The following TRPC4 variants were observed in gnomAD, a reference collection of about 807,000 sequenced individuals.
TRPC4 encodes the protein short transient receptor potential channel 4.
TRPC4 carries 49 observed loss-of-function variants against 99.4 expected under a neutral mutation model. The observed-to-expected ratio is 0.49, with a 90% confidence interval of 0.39 to 0.63. The LOEUF is 0.63. Among genes scored for constraint, TRPC4 ranks in the 20% least tolerant of loss-of-function variants. TRPC4 has a pLI of 0.00. For synonymous variants in TRPC4, 454 were observed against 425.9 expected, an observed-to-expected ratio of 1.07 and a Z score of -0.81; for missense variants, 898 against 1,152.9, an observed-to-expected ratio of 0.78 and a Z score of 3.20.
At chr13:37,835,052 AT>A (rs932582779) in intron 1 of TRPC4, among the ~76,000 whole-genome samples, 8 of 148,842 alleles carry the variant, frequency 5.4e-5, no homozygotes, top group Admixed American at 6.7e-5. Flanking sequence ...TTTTTTTTTA[AT>A]TTTTTTTTTA....
chr13:37,737,306 C>T (rs1014425798), intron 3 of TRPC4, among the ~76,000 whole-genome samples: 12 of 151,720 alleles, frequency 7.9e-5, no homozygotes, highest in Admixed American at 5.3e-4. Context: ...AGGAAATATG[C>T]TAAGTTCTGT....
At chr13:37,770,939 T>C (rs894387118) in intron 2 of TRPC4, among the ~76,000 whole-genome samples, 2 of 151,670 alleles carry the variant, frequency 1.3e-5, no homozygotes, top group African/African-American at 4.8e-5. Flanking sequence ...AACACAATGG[T>C]ACTTGTCTAT....
At position 37,841,851 on chromosome 13, in the gene TRPC4, C is replaced by G. The variant is rs843858; in HGVS notation, c.-28+27744G>C. ...CAGTTTCTTTAAAAATGAAGCATGC[C>G]ACTATCATGTGACTCAACAATTAAA... On this transcript the variant is annotated intron_variant, in intron 1 of 10. Coordinates refer to ENST00000379705, the MANE Select transcript of TRPC4 (RefSeq NM_016179.4). Among the ~76,000 whole-genome samples the G allele has an allele frequency of 8.9e-3, 1,359 of 152,144 alleles. 35 individuals are homozygous for G. In the East Asian group the frequency reaches 0.1, roughly 11 times the overall value.
At chr13:37,824,948 G>A (rs1395255250) in intron 1 of TRPC4, among the ~76,000 whole-genome samples, 2 of 152,086 alleles carry the variant, frequency 1.3e-5, no homozygotes, top group Non-Finnish European at 2.9e-5. Context: ...CACAATTTCT[G>A]ATCCTGTTAT....
chr13:37,711,056 A>C (rs1954467897), intron 3 of TRPC4, among the ~76,000 whole-genome samples: 1 of 151,984 alleles, frequency 6.6e-6, no homozygotes, highest in South Asian at 2.1e-4. Flanking sequence ...TGAATATATT[A>C]ATTCTTAAGT....
intron 2 of TRPC4, among the ~76,000 whole-genome samples, chr13:37,781,527 A>G (rs1956840877): frequency 6.6e-6 from 1 of 152,100 alleles, no homozygotes; most frequent in Non-Finnish European, 1.5e-5. Context: ...AAAGACTGGT[A>G]TATAACATGA....
intron 1 of TRPC4, among the ~76,000 whole-genome samples, chr13:37,865,744 A>G (rs919647389): frequency 2.6e-5 from 4 of 151,798 alleles, no homozygotes; most frequent in African/African-American, 9.7e-5. Flanking sequence ...AAAAGAGTGT[A>G]GTCTTTACCA....
At chr13:37,766,763 C>A (rs1430755948) in intron 2 of TRPC4, among the ~76,000 whole-genome samples, 1 of 151,312 alleles carries the variant, frequency 6.6e-6, no homozygotes, top group South Asian at 2.1e-4. Context: ...AGCCACATGG[C>A]CTTGACCACA....
intron 2 of TRPC4, among the ~76,000 whole-genome samples, chr13:37,757,920 G>A (rs2139224759): frequency 6.6e-6 from 1 of 151,994 alleles, no homozygotes; most frequent in South Asian, 2.1e-4. Context: ...GGTGGGTAGG[G>A]TTCAAGGTTG....
chr13:37,743,857 G>A (rs1955664281), intron 3 of TRPC4, among the ~76,000 whole-genome samples: 1 of 152,124 alleles, frequency 6.6e-6, no homozygotes, highest in Non-Finnish European at 1.5e-5. Flanking sequence ...GAGTTTATGA[G>A]TACTTTGTTC....
chr13:37,751,363 C>T (rs1370499615), intron 2 of TRPC4, among the ~76,000 whole-genome samples: 2 of 151,274 alleles, frequency 1.3e-5, no homozygotes. Context: ...GGAAAATGTA[C>T]CTTTTATTTT....
chr13:37,866,844 TG>T (rs772938334), intron 1 of TRPC4, among the ~76,000 whole-genome samples: 3,616 of 84,288 alleles, frequency 0.043, 223 homozygotes, highest in East Asian at 0.2. Flanking sequence ...GTTTATTTTT[TG>T]TGGGGGGGGG....
chr13:37,829,906 A>C (rs1241862594), intron 1 of TRPC4, among the ~76,000 whole-genome samples: 1 of 152,202 alleles, frequency 6.6e-6, no homozygotes, highest in Admixed American at 6.5e-5. Flanking sequence ...ATGTTATGTT[A>C]TTCCATTTAT....
intron 1 of TRPC4, among the ~76,000 whole-genome samples, chr13:37,808,890 G>A (rs1263003958): frequency 2.6e-5 from 4 of 151,930 alleles, no homozygotes; most frequent in Non-Finnish European, 5.9e-5. Flanking sequence ...TAGAGAAACC[G>A]CCTGAAAGCC....
intron 1 of TRPC4, among the ~76,000 whole-genome samples, chr13:37,841,991 C>G (rs2139641422): frequency 6.6e-6 from 1 of 151,992 alleles, no homozygotes; most frequent in South Asian, 2.1e-4. Flanking sequence ...AACTTATGGC[C>G]AGGCACAGTG....
At chr13:37,753,603 GAGAGAA>G (rs66540593) in intron 2 of TRPC4, among the ~76,000 whole-genome samples, 37,273 of 141,650 alleles carry the variant, frequency 0.26, 5,952 homozygotes, top group East Asian at 0.54. Flanking sequence ...GAGAGAGAGA[GAGAGAA>G]AGAAAGAAAG....
At chr13:37,809,550 C>T (rs899088695) in intron 1 of TRPC4, among the ~76,000 whole-genome samples, 1 of 151,258 alleles carries the variant, frequency 6.6e-6, no homozygotes, top group Admixed American at 6.6e-5. Flanking sequence ...AAACTGCAGG[C>T]ATAAGATGAC....
At chr13:37,687,665 C>A (rs929066459) in intron 4 of TRPC4, among the ~76,000 whole-genome samples, 1 of 151,974 alleles carries the variant, frequency 6.6e-6, no homozygotes, top group Non-Finnish European at 1.5e-5. Context: ...TGCATATTCC[C>A]AGTATATTAA....
intron 1 of TRPC4, among the ~76,000 whole-genome samples, chr13:37,797,799 G>A (rs1159112036): frequency 6.6e-6 from 1 of 152,076 alleles, no homozygotes; most frequent in Admixed American, 6.6e-5. Flanking sequence ...TAGACTTTTT[G>A]GGCAAAGGAA....
Sources: allele counts gnomAD v4.1 joint callset (sites outside exome capture counted in the v4.1 genomes callset), GRCh38; gene constraint gnomAD v4.1.1; transcripts MANE v1.5; gene names NCBI Gene and HGNC (gene_info 2026-07-23, HGNC 2026-07-21).